Variants in CTBS observed in about 807,000 individuals in gnomAD.
CTBS encodes the protein di-N-acetylchitobiase.
A neutral mutation model predicts 44.3 loss-of-function variants in CTBS; 35 were observed. That is an observed-to-expected ratio of 0.79 (90% CI 0.60 to 1.05). The LOEUF is 1.05. CTBS is among the 50% of genes least tolerant of loss of function. The pLI, the probability that CTBS is intolerant of heterozygous loss-of-function variation, is 0.00. For synonymous variants in CTBS, 143 were observed against 168.0 expected (o/e 0.85, Z 1.15); for missense variants, 458 against 475.3 (o/e 0.96, Z 0.34).
At chr1:84,573,271 G>C (rs566675307) in intron 1 of CTBS, among the ~76,000 whole-genome samples, 4 of 152,314 alleles carry the variant, frequency 2.6e-5, no homozygotes, top group African/African-American at 9.6e-5. Flanking sequence ...TTGCTTCCCT[G>C]TTCGGCCTAT....
Position 84,553,258 on chromosome 1 carries a change from AT to A in CTBS, c.*1740del. 5.7e-6 allele frequency: 3 copies of A among 524,010 alleles called. No homozygotes were observed. Among genetic ancestry groups the A allele is most frequent in the African/African-American group, 4.0e-5 (2 of 50,134 alleles). 32.5% of individuals were successfully genotyped at this position (524,010 alleles called of 1,614,324 possible). On this transcript the variant is annotated 3_prime_UTR_variant, in exon 7 of 7. Coordinates refer to ENST00000370630, the MANE Select transcript of CTBS (RefSeq NM_004388.3). Reference sequence around the variant, plus strand: ...CTCTTTCTCCACTTTCCATGTGGGTATTACAAAATGTTTCAGGAAATATTAG... The same window carrying A: ...CTCTTTCTCCACTTTCCATGTGGGTATACAAAATGTTTCAGGAAATATTAG...
In CTBS at chr1:84,554,359, T is replaced by C. The variant is rs945036463; in HGVS notation, c.*640A>G. 1.3e-5 allele frequency: 2 copies of C among 152,218 alleles called. No individual in the cohort carries two copies. The highest frequency in any genetic ancestry group is 4.8e-5 in the African/African-American group (2 of 41,464). The allele number at this position is 152,218 out of a possible 1,614,324, so 9.4% of individuals were successfully genotyped here. A position where few individuals can be genotyped will look rare whatever the true frequency, so the allele number is the denominator to read the frequency against. The stretch of plus-strand genomic sequence containing the variant: ...AGTTCTAACTTACCAATTCAAAATA[T>C]TACTGTTACATTCTTCTATTTTGTG... On this transcript the variant is annotated 3_prime_UTR_variant, in exon 7 of 7. Coordinates refer to ENST00000370630, the MANE Select transcript of CTBS (RefSeq NM_004388.3).
chr1:84,565,719 GAAGC>G (rs1413700591), intron 4 of CTBS, 118 bp downstream of exon 4: 1 of 474,508 alleles, frequency 2.1e-6, no homozygotes, highest in Non-Finnish European at 3.2e-6. Flanking sequence ...TTACATGTTT[GAAGC>G]AAGCCTTACA....
rs1163168870 is a variant in CTBS, at chr1:84,551,059, A to G, written c.*3940T>C. The G allele has an allele frequency of 1.0e-6, 1 of 985,208 alleles. No individual in the cohort carries two copies. Among genetic ancestry groups the G allele is most frequent in the African/African-American group, 1.7e-5 (1 of 57,230 alleles). 61.0% of individuals were successfully genotyped at this position (985,208 alleles called of 1,614,324 possible). ...ACCTTTTGTATAGCAGATGCTTAGT[A>G]GAGGCTTCTGGGCATGCTCTATTTG... On this transcript the variant is annotated 3_prime_UTR_variant, in exon 7 of 7. Coordinates refer to ENST00000370630, the MANE Select transcript of CTBS (RefSeq NM_004388.3).
Position 84,553,365 on chromosome 1 carries a change from T to C in CTBS, c.*1634A>G, listed in dbSNP as rs1240111943. 5.6e-6 allele frequency: 1 copy of C among 179,124 alleles called. No homozygotes were observed. Among genetic ancestry groups the C allele is most frequent in the Non-Finnish European group, 1.2e-5 (1 of 83,392 alleles). 11.1% of individuals were successfully genotyped at this position (179,124 alleles called of 1,614,324 possible). ...ATATTATTTTACAGTGCTAATTTTA[T>C]AATTTTCATTTTAATAATTTAATAA... On this transcript the variant is annotated 3_prime_UTR_variant, in exon 7 of 7. Coordinates refer to ENST00000370630, the MANE Select transcript of CTBS (RefSeq NM_004388.3).
At chr1:84,562,551 T>G (rs1684614913) in intron 6 of CTBS, among the ~76,000 whole-genome samples, 1 of 152,208 alleles carries the variant, frequency 6.6e-6, no homozygotes, top group Non-Finnish European at 1.5e-5. Context: ...TAAAGTAACA[T>G]AATCTGAAAT....
chr1:84,561,832 G>A (rs570181543), intron 6 of CTBS, among the ~76,000 whole-genome samples: 4 of 152,258 alleles, frequency 2.6e-5, no homozygotes, highest in Admixed American at 2.6e-4. Flanking sequence ...ATTAAGGTAT[G>A]TACTTTTTTT....
rs1684213465 is a variant in CTBS at position 84,549,725 on chromosome 1, C to G, written c.*5274G>C. On this transcript the variant is annotated 3_prime_UTR_variant, in exon 7 of 7. Transcript: ENST00000370630. Reference sequence around the variant, plus strand: ...TTGGGTTGGATCAATCCCACTTATCCAAAAGTAATTTTAAAATATGTTAAC... The same window carrying G: ...TTGGGTTGGATCAATCCCACTTATCGAAAAGTAATTTTAAAATATGTTAAC... The G allele has an allele frequency of 6.6e-6, 1 of 151,718 alleles. No homozygotes were observed. Among genetic ancestry groups the G allele is most frequent in the African/African-American group, 2.4e-5 (1 of 41,288 alleles). The allele number at this position is 151,718 out of a possible 1,614,324, so 9.4% of individuals were successfully genotyped here.
In CTBS at chr1:84,552,311, T is replaced by A. The variant is rs1275462750; in HGVS notation, c.*2688A>T. 6.6e-6 allele frequency: 1 copy of A among 152,174 alleles called. No homozygotes were observed. Among genetic ancestry groups the A allele is most frequent in the Non-Finnish European group, 1.5e-5 (1 of 68,038 alleles). The allele number at this position is 152,174 out of a possible 1,614,324, so 9.4% of individuals were successfully genotyped here. A position where few individuals can be genotyped will look rare whatever the true frequency, so the allele number is the denominator to read the frequency against. ...CCTGTTTAAAAATGCAGGATCTGAC[T>A]CAGTAGGTCTGGGTGCAGCCTGAGA... is the stretch of plus-strand genomic sequence containing the variant. On this transcript the variant is annotated 3_prime_UTR_variant, in exon 7 of 7. Coordinates refer to ENST00000370630, the MANE Select transcript of CTBS (RefSeq NM_004388.3).
chr1:84,561,671 T>C (rs910571036), intron 6 of CTBS, among the ~76,000 whole-genome samples: 2 of 152,158 alleles, frequency 1.3e-5, no homozygotes, highest in African/African-American at 4.8e-5. Flanking sequence ...TTTTAAGAAA[T>C]TGCCATAGCC....
chr1:84,574,060 C>A lies in CTBS; in HGVS notation c.177+179G>T, dbSNP rs1036253637. ...CTGTGAGGCCTGAGGAGTTACTCAA[C>A]TTCTCTGAGCCCGAGCTTCCTCATC... On this transcript the variant is annotated intron_variant, in intron 1 of 6. Transcript: ENST00000370630. The A allele has an allele frequency of 2.8e-6, 4 of 1,442,614 alleles. No homozygotes were observed. The African/African-American group carries it at 4.4e-5, about 16-fold the overall frequency. The allele number at this position is 1,442,614 out of a possible 1,614,324, so 89.4% of individuals were successfully genotyped here.
Position 84,573,924 on chromosome 1 carries a change from C to T in CTBS, c.177+315G>A, listed in dbSNP as rs148377069. ...TAAATGGATTATCCTACCTTGTTTG[C>T]TTTTTACACCCAGAGTGCTTCCGCA... On this transcript the variant is annotated intron_variant, in intron 1 of 6. Transcript: ENST00000370630. 328 of 1,262,506 alleles carry T rather than the reference C, an allele frequency of 2.6e-4. 1 individual carries two copies. The East Asian group carries it at 0.01, about 40-fold the overall frequency. The allele number at this position is 1,262,506 out of a possible 1,614,324, so 78.2% of individuals were successfully genotyped here.
chr1:84,572,003 G>A (rs778976834), intron 1 of CTBS, among the ~76,000 whole-genome samples: 1 of 152,170 alleles, frequency 6.6e-6, no homozygotes, highest in Non-Finnish European at 1.5e-5. Flanking sequence ...ATGTGGAACT[G>A]GATAAAACCT....
chr1:84,560,409 CATT>C (rs1684569475), intron 6 of CTBS, among the ~76,000 whole-genome samples: 1 of 152,168 alleles, frequency 6.6e-6, no homozygotes, highest in Non-Finnish European at 1.5e-5. Flanking sequence ...AGTCTGTTTG[CATT>C]AGCTCATGCC....
At chr1:84,567,867 GATT>G (rs1189429601) in intron 3 of CTBS, among the ~76,000 whole-genome samples, 1 of 151,966 alleles carries the variant, frequency 6.6e-6, no homozygotes, top group Non-Finnish European at 1.5e-5. Context: ...GCTGATTTAG[GATT>G]ATGTCATCAT....
In CTBS at chr1:84,574,385, G is replaced by A. The variant is rs770545131; in HGVS notation, c.31C>T (p.Leu11Phe). The stretch of plus-strand genomic sequence containing the variant: ...ACGCCGCTCGGCGGGCTAGAGACGA[G>A]GCGCCAGCGTCGAAGCTGCGGCCGG... MSRPQLRRWRLVSSPPSGVPG... is the reference protein window; with the variant it reads MSRPQLRRWRFVSSPPSGVPG... The change falls in exon 1 of 7, where the codon CTC becomes TTC. Residue 11 changes from leucine to phenylalanine, a missense_variant. Leu to Phe is a conservative substitution (Grantham distance 22). Coordinates refer to ENST00000370630, the MANE Select transcript of CTBS (RefSeq NM_004388.3). 1.6e-5 allele frequency: 25 copies of A among 1,562,438 alleles called. No individual in the cohort carries two copies. In the East Asian group the frequency reaches 4.5e-4, roughly 28 times the overall value.
At position 84,554,947 on chromosome 1, in the gene CTBS, A is replaced by T. The variant is rs183916139; in HGVS notation, c.*52T>A. The T allele has an allele frequency of 7.1e-7, 1 of 1,414,752 alleles. No homozygotes were observed. 87.6% of individuals were successfully genotyped at this position (1,414,752 alleles called of 1,614,324 possible). ...ACATAATAAAAATGCAAGAAACTAG[A>T]TCTGTTGATACAGATCATCTTTCTA... On this transcript the variant is annotated 3_prime_UTR_variant, in exon 7 of 7. Transcript: ENST00000370630.
chr1:84,552,839 GTAGA>G lies in CTBS; in HGVS notation c.*2156_*2159del. 1 of 495,730 alleles carries G rather than the reference GTAGA, an allele frequency of 2.0e-6. No homozygotes were observed. The highest frequency in any genetic ancestry group is 3.6e-6 in the Non-Finnish European group (1 of 281,606). The allele number at this position is 495,730 out of a possible 1,614,324, so 30.7% of individuals were successfully genotyped here. A position where few individuals can be genotyped will look rare whatever the true frequency, so the allele number is the denominator to read the frequency against. On this transcript the variant is annotated 3_prime_UTR_variant, in exon 7 of 7. Coordinates refer to ENST00000370630, the MANE Select transcript of CTBS (RefSeq NM_004388.3). Reference sequence around the variant, plus strand: ...GGTTACCTTATAGCATATCTCACCAGTAGATAAGCATGCTTATTAAACAGCATTC... The same window carrying G: ...GGTTACCTTATAGCATATCTCACCAGTAAGCATGCTTATTAAACAGCATTC...
At position 84,563,294 on chromosome 1, in the gene CTBS, CA is replaced by C. The variant is rs1253875470; in HGVS notation, c.919del (p.Trp307GlyfsTer32). Reference sequence around the variant, plus strand: ...ATAAGGAGCCCGCTGATCTTTATCCCATAGGTTTCCAGAAATAGAACTATTT... The same window carrying C: ...ATAAGGAGCCCGCTGATCTTTATCCCTAGGTTTCCAGAAATAGAACTATTT... ...QINSSISGNLWDKDQRAPYYN... is the reference protein window; with the variant it reads ...QINSSISGNLXDKDQRAPYYN... On this transcript the variant is annotated frameshift_variant, in exon 6 of 7. Transcript: ENST00000370630. LOFTEE classifies it high-confidence loss of function. 6.3e-7 allele frequency: 1 copy of C among 1,584,286 alleles called. No homozygotes were observed. The highest frequency in any genetic ancestry group is 1.8e-5 in the Admixed American group (1 of 55,842).
Sources: allele counts gnomAD v4.1 joint callset (sites outside exome capture counted in the v4.1 genomes callset), GRCh38; gene constraint gnomAD v4.1.1; transcripts MANE v1.5; gene names NCBI Gene and HGNC (gene_info 2026-07-23, HGNC 2026-07-21).